Variants in MYO10 observed in about 807,000 individuals in gnomAD.
MYO10 encodes the protein myosin X.
MYO10 carries 133 observed loss-of-function variants against 257.3 expected under a neutral mutation model. That is an observed-to-expected ratio of 0.52 (90% CI 0.45 to 0.60). The LOEUF (loss-of-function observed/expected upper bound fraction) is 0.60. Among genes scored for constraint, MYO10 ranks in the 20% least tolerant of loss-of-function variants. The pLI is 0.00. For missense variants in MYO10, 2,399 were observed against 2,635.7 expected (o/e 0.91, Z 1.97); for synonymous variants, 1,104 against 1,028.6 (o/e 1.07, Z -1.40).
intron 19 of MYO10, among the ~76,000 whole-genome samples, chr5:16,746,485 T>C (rs1403387463): frequency 6.6e-6 from 1 of 152,220 alleles, no homozygotes; most frequent in Non-Finnish European, 1.5e-5. Flanking sequence ...GCAGCCACCA[T>C]GCTGCGACCA....
At chr5:16,731,892 AT>A (rs1475897202) in intron 19 of MYO10, among the ~76,000 whole-genome samples, 3 of 152,140 alleles carry the variant, frequency 2.0e-5, no homozygotes, top group Non-Finnish European at 2.9e-5. Flanking sequence ...TTGAGAACTC[AT>A]TTTTTAGTAT....
At chr5:16,757,607 T>C (rs1438460697) in intron 18 of MYO10, among the ~76,000 whole-genome samples, 1 of 152,170 alleles carries the variant, frequency 6.6e-6, no homozygotes, top group Non-Finnish European at 1.5e-5. Context: ...ATTTATTTTT[T>C]TAAAAAGGAT....
chr5:16,760,730 A>G (rs1482841402), intron 17 of MYO10, among the ~76,000 whole-genome samples: 1 of 152,092 alleles, frequency 6.6e-6, no homozygotes, highest in Non-Finnish European at 1.5e-5. Context: ...CTGTGAAGAC[A>G]GCAGACCACA....
chr5:16,792,383 G>A (rs773958515), intron 4 of MYO10, among the ~76,000 whole-genome samples: 4 of 152,118 alleles, frequency 2.6e-5, no homozygotes, highest in South Asian at 2.1e-4. Flanking sequence ...TCAATGTGCC[G>A]ATGCCTGGCA....
At chr5:16,787,271 G>T (rs1741614072) in intron 4 of MYO10, among the ~76,000 whole-genome samples, 1 of 152,164 alleles carries the variant, frequency 6.6e-6, no homozygotes, top group African/African-American at 2.4e-5. Context: ...CTACCAGGAG[G>T]TAAGTGGTGT....
intron 1 of MYO10, among the ~76,000 whole-genome samples, chr5:16,893,187 ACT>A (rs1447893256): frequency 1.7e-5 from 2 of 116,910 alleles, no homozygotes; most frequent in African/African-American, 8.2e-5. Flanking sequence ...ACACAGTGAG[ACT>A]CTGTCTCAAA....
chr5:16,864,460 G>A (rs1273613755), intron 2 of MYO10, among the ~76,000 whole-genome samples: 3 of 152,180 alleles, frequency 2.0e-5, no homozygotes, highest in Non-Finnish European at 4.4e-5. Flanking sequence ...CTGAATAGGT[G>A]TGTGAATACA....
intron 27 of MYO10, 47 bp downstream of exon 27, chr5:16,694,324 T>A: frequency 6.2e-7 from 1 of 1,611,162 alleles, no homozygotes; most frequent in Non-Finnish European, 8.5e-7. Flanking sequence ...ACCACCAGCA[T>A]AAACCATGAG....
At chr5:16,816,081 G>A (rs1451053251) in intron 3 of MYO10, among the ~76,000 whole-genome samples, 3 of 150,840 alleles carry the variant, frequency 2.0e-5, no homozygotes, top group Non-Finnish European at 4.4e-5. Context: ...AGTGGCTCAT[G>A]CCTGTAATCC....
chr5:16,810,166 T>A (rs1742394160), intron 3 of MYO10, among the ~76,000 whole-genome samples: 1 of 152,116 alleles, frequency 6.6e-6, no homozygotes, highest in African/African-American at 2.4e-5. Flanking sequence ...TAATTTGAGA[T>A]GATCCAGGGC....
At chr5:16,854,217 A>G (rs1490452377) in intron 2 of MYO10, 1 of 152,210 alleles carries the variant, frequency 6.6e-6, no homozygotes, top group Non-Finnish European at 1.5e-5. Context: ...TATGAAATGC[A>G]TGGCCCAATA....
intron 3 of MYO10, among the ~76,000 whole-genome samples, chr5:16,805,860 G>C (rs571470724): frequency 1.4e-4 from 21 of 152,308 alleles, no homozygotes; most frequent in African/African-American, 4.8e-4. Flanking sequence ...GCTTAAAAAT[G>C]TTGGAGAAGC....
intron 27 of MYO10, among the ~76,000 whole-genome samples, chr5:16,693,555 C>T (rs963947315): frequency 2.6e-5 from 4 of 152,334 alleles, no homozygotes; most frequent in East Asian, 3.9e-4. Flanking sequence ...TCTGAAGTTG[C>T]GGATGCTGGC....
At chr5:16,804,609 C>A (rs33402) in intron 3 of MYO10, among the ~76,000 whole-genome samples, 86,998 of 152,002 alleles carry the variant, frequency 0.57, 24,895 homozygotes, top group South Asian at 0.68. Context: ...GCAGAGGCTC[C>A]GGCCTGTAAT....
intron 2 of MYO10, among the ~76,000 whole-genome samples, chr5:16,829,887 A>ACC (rs1491275097): frequency 1.3e-5 from 1 of 76,336 alleles, no homozygotes; most frequent in Non-Finnish European, 2.5e-5. Context: ...AACGGCTAAT[A>ACC]CACACACACA....
intron 26 of MYO10, among the ~76,000 whole-genome samples, chr5:16,695,840 C>T (rs1737722002): frequency 6.6e-6 from 1 of 152,242 alleles, no homozygotes; most frequent in Non-Finnish European, 1.5e-5. Flanking sequence ...ACTTGCTTCA[C>T]TGAACTTTCT....
chr5:16,815,872 T>C (rs1239984240), intron 3 of MYO10, among the ~76,000 whole-genome samples: 1 of 150,254 alleles, frequency 6.7e-6, no homozygotes, highest in African/African-American at 2.4e-5. Flanking sequence ...CCAACAGGTA[T>C]AAACATTACC....
intron 27 of MYO10, among the ~76,000 whole-genome samples, chr5:16,690,645 C>T (rs31313): frequency 0.17 from 26,185 of 151,956 alleles, 2,558 homozygotes; most frequent in East Asian, 0.26. Flanking sequence ...AAGCCAACCT[C>T]GGCCCGGCGT....
intron 16 of MYO10, 21 bp from the exon 17 acceptor site, chr5:16,761,567 A>G: frequency 6.4e-7 from 1 of 1,562,800 alleles, no homozygotes; most frequent in Non-Finnish European, 8.8e-7. Flanking sequence ...TAAATAAGAG[A>G]GGAGAAAACT....
Sources: allele counts gnomAD v4.1 joint callset (sites outside exome capture counted in the v4.1 genomes callset), GRCh38; gene constraint gnomAD v4.1.1; transcripts MANE v1.5; gene names NCBI Gene and HGNC (gene_info 2026-07-23, HGNC 2026-07-21).